The following TAAR5 variants were observed in gnomAD, a reference collection of about 807,000 sequenced individuals.
TAAR5 encodes trace amine associated receptor 5.
In TAAR5, 27 loss-of-function variants were observed where a neutral mutation model predicts 21.1. The observed-to-expected ratio is 1.28, with a 90% CI of 0.94 to 1.76. The LOEUF (loss-of-function observed/expected upper bound fraction) is 1.76. TAAR5 is among the 40% of genes most tolerant of loss of function. TAAR5 has a pLI of 0.00. For missense variants in TAAR5, 495 were observed against 405.6 expected (o/e 1.22, Z -1.89); for synonymous variants, 203 against 167.5 (o/e 1.21, Z -1.64).
the TAAR5 span, among the ~76,000 whole-genome samples, chr6:132,595,948 C>T: frequency 1.3e-5 from 2 of 152,202 alleles, no homozygotes; most frequent in African/African-American, 4.8e-5. Context: ...TGCTTTCCAT[C>T]CTGCCACTTA....
chr6:132,598,003 A>G, the TAAR5 span, among the ~76,000 whole-genome samples: 1 of 152,180 alleles, frequency 6.6e-6, no homozygotes, highest in South Asian at 2.1e-4. Flanking sequence ...CCATCAAATA[A>G]GAAGAGGGAA....
the TAAR5 span, chr6:132,608,613 G>A: frequency 2.2e-6 from 1 of 455,912 alleles, no homozygotes; most frequent in Non-Finnish European, 4.4e-6. Flanking sequence ...GTTTGGAAAC[G>A]ATAAAGATTT....
chr6:132,597,218 C>G, the TAAR5 span, among the ~76,000 whole-genome samples: 58 of 151,966 alleles, frequency 3.8e-4, no homozygotes, highest in African/African-American at 1.4e-3. Flanking sequence ...ACAGTATTCT[C>G]TCATATATTA....
chr6:132,593,270 A>C (rs1776931637), upstream of TAAR5, among the ~76,000 whole-genome samples: 1 of 152,248 alleles, frequency 6.6e-6, no homozygotes, highest in South Asian at 2.1e-4. Flanking sequence ...GTCACAACAC[A>C]TATTACCCTG....
the TAAR5 span, among the ~76,000 whole-genome samples, chr6:132,602,739 C>G: frequency 8.5e-6 from 1 of 118,266 alleles, no homozygotes; most frequent in South Asian, 2.8e-4. Flanking sequence ...CAAGTAAAAA[C>G]ACTTTAAGAA....
At chr6:132,593,590 T>C (rs1776936208), upstream of TAAR5, among the ~76,000 whole-genome samples, 1 of 152,130 alleles carries the variant, frequency 6.6e-6, no homozygotes. Context: ...TGGAGCTGTT[T>C]TGAAAAACTA....
the TAAR5 span, among the ~76,000 whole-genome samples, chr6:132,602,433 C>T: frequency 1.3e-5 from 2 of 152,116 alleles, no homozygotes; most frequent in Non-Finnish European, 2.9e-5. Flanking sequence ...AAGCTACATC[C>T]GTTGCATGCG....
rs1232125892 is a variant in TAAR5 at position 132,589,565 on chromosome 6, C to T, written c.122G>A (p.Cys41Tyr). 3 of 1,613,944 alleles carry T rather than the reference C, an allele frequency of 1.9e-6. No individual in the cohort carries two copies. The Admixed American group carries it at 5.0e-5, about 27-fold the overall frequency. ...LGIQLVIYLA[C>Y]AAGMLIIVLG... is the part of the protein sequence containing the mutation. The stretch of plus-strand genomic sequence containing the variant: ...CACGATAATCAGCATGCCTGCTGCA[C>T]AGGCCAGGTAGATGACCAACTGGAT... The change falls in exon 1 of 1, where the codon TGT becomes TAT. Residue 41 changes from cysteine (C) to tyrosine (Y), a missense_variant. Physicochemically the swap from Cys to Tyr is radical, Grantham distance 194. Transcript: ENST00000258034.
upstream of TAAR5, among the ~76,000 whole-genome samples, chr6:132,592,139 A>G (rs966157083): frequency 2.6e-5 from 4 of 152,266 alleles, no homozygotes; most frequent in African/African-American, 9.6e-5. Flanking sequence ...TTAGGGATTC[A>G]TTAATGTTGC....
At chr6:132,590,860 AT>A (rs1776896228), upstream of TAAR5, among the ~76,000 whole-genome samples, 1 of 151,974 alleles carries the variant, frequency 6.6e-6, no homozygotes, top group Non-Finnish European at 1.5e-5. Context: ...GCTGCTATAT[AT>A]TTTCTAATTT....
In TAAR5 at chr6:132,588,790, G is replaced by A. The variant is rs1370876854; in HGVS notation, c.897C>T (p.Ala299=). The part of the protein sequence containing the change: ...IFIWFAYFNS[A]CNPIIYVFSY... ...AAAAGACATAGATGATGGGGTTGCAGGCTGAGTTGAAGTAAGCAAACCAGA... is the reference window on the plus strand; with the variant it reads ...AAAAGACATAGATGATGGGGTTGCAAGCTGAGTTGAAGTAAGCAAACCAGA... The change falls in exon 1 of 1, where the codon GCC becomes GCT. Residue 299 remains alanine, a synonymous_variant. Transcript: ENST00000258034. The A allele has an allele frequency of 6.2e-7, 1 of 1,614,124 alleles. No individual in the cohort carries two copies. The highest frequency in any genetic ancestry group is 2.2e-5 in the East Asian group (1 of 44,872).
chr6:132,597,077 G>A, the TAAR5 span, among the ~76,000 whole-genome samples: 10 of 152,006 alleles, frequency 6.6e-5, no homozygotes, highest in African/African-American at 1.7e-4. Context: ...TACAGTTTTA[G>A]AGTTTTAACT....
At chr6:132,613,973 A>C in the TAAR5 span, among the ~76,000 whole-genome samples, 11 of 152,230 alleles carry the variant, frequency 7.2e-5, 1 homozygote, top group Non-Finnish European at 2.9e-5. Flanking sequence ...CATATAAATA[A>C]ATGTAAATTA....
chr6:132,588,836 G>T lies in TAAR5; in HGVS notation c.851C>A (p.Pro284Gln), dbSNP rs767482472. 6.2e-7 allele frequency: 1 copy of T among 1,614,012 alleles called. No homozygotes were observed. Among genetic ancestry groups the T allele is most frequent in the Non-Finnish European group, 8.5e-7 (1 of 1,180,022 alleles). ...CCAGATAAAGATGTCAAAGACCAGT[G>T]GGGGTGTGATAAAGTGAAGGAGGCT... The part of the protein sequence containing the change: ...VDSLLHFITP[P>Q]LVFDIFIWFA... The change falls in exon 1 of 1, where the codon CCA becomes CAA. Residue 284 changes from proline (P) to glutamine (Q), a missense_variant. Coordinates refer to ENST00000258034, the MANE Select transcript of TAAR5 (RefSeq NM_003967.3).
the TAAR5 span, among the ~76,000 whole-genome samples, chr6:132,611,110 T>A: frequency 4.6e-5 from 7 of 152,052 alleles, no homozygotes; most frequent in African/African-American, 1.4e-4. Context: ...AATCTTGTCA[T>A]CTGCAACAGC....
At chr6:132,602,251 C>T in the TAAR5 span, among the ~76,000 whole-genome samples, 1 of 152,100 alleles carries the variant, frequency 6.6e-6, no homozygotes, top group South Asian at 2.1e-4. Flanking sequence ...TTATTGTGCA[C>T]TTTATTTCTA....
the TAAR5 span, among the ~76,000 whole-genome samples, chr6:132,595,766 A>C: frequency 6.6e-6 from 1 of 152,222 alleles, no homozygotes; most frequent in Non-Finnish European, 1.5e-5. Flanking sequence ...ATCCGTAGGC[A>C]GATTGAGTTT....
At chr6:132,605,955 G>A in the TAAR5 span, among the ~76,000 whole-genome samples, 1 of 117,354 alleles carries the variant, frequency 8.5e-6, no homozygotes, top group Non-Finnish European at 1.8e-5. Context: ...ATCCTTTGCA[G>A]CAACATGTAT....
the TAAR5 span, among the ~76,000 whole-genome samples, chr6:132,614,598 T>C: frequency 6.6e-6 from 1 of 152,202 alleles, no homozygotes; most frequent in African/African-American, 2.4e-5. Context: ...GAAAAGTTAG[T>C]TGTGAATCAA....
Sources: gnomAD v4.1 joint callset for allele counts (sites outside exome capture counted in the v4.1 genomes callset) on GRCh38, gnomAD v4.1.1 for gene constraint, MANE v1.5 for transcripts, NCBI Gene and HGNC (gene_info 2026-07-23, HGNC 2026-07-21) for gene names.